Variants in COG5 observed in about 807,000 individuals in gnomAD.
COG5 encodes the protein component of oligomeric golgi complex 5.
A neutral mutation model predicts 110.4 loss-of-function variants in COG5; 86 were observed. The observed-to-expected ratio is 0.78, with a 90% CI of 0.65 to 0.93. The LOEUF (loss-of-function observed/expected upper bound fraction) is 0.93, where lower values mean the gene tolerates loss of function less well. Among genes scored for constraint, COG5 ranks in the 40% least tolerant of loss-of-function variants. COG5 has a pLI of 0.00. For synonymous variants in COG5, 360 were observed against 334.6 expected, an observed-to-expected ratio of 1.08 and a Z score of -0.83; for missense variants, 1,077 against 987.0, an observed-to-expected ratio of 1.09 and a Z score of -1.22.
chr7:107,236,314 ACT>A, intron 18 of COG5, 134 bp downstream of exon 18: 1 of 675,936 alleles, frequency 1.5e-6, no homozygotes, highest in Non-Finnish European at 2.6e-6. Context: ...TTTTTTTTTA[ACT>A]ATTTATGCTT....
chr7:107,506,926 C>T (rs1346311530), intron 6 of COG5, among the ~76,000 whole-genome samples: 2 of 152,234 alleles, frequency 1.3e-5, no homozygotes, highest in Non-Finnish European at 2.9e-5. Flanking sequence ...AGCTGGCGGA[C>T]TTCCATGAGA....
chr7:107,543,607 T>C (rs1466292232), intron 5 of COG5, among the ~76,000 whole-genome samples: 3 of 152,056 alleles, frequency 2.0e-5, no homozygotes, highest in Non-Finnish European at 4.4e-5. Flanking sequence ...CTAGCCCTAG[T>C]GCCAGGTTAG....
chr7:107,459,663 G>A (rs1361908482), intron 6 of COG5, among the ~76,000 whole-genome samples: 1 of 151,858 alleles, frequency 6.6e-6, no homozygotes, highest in Non-Finnish European at 1.5e-5. Context: ...AGGTACTGTG[G>A]TACACACCTG....
chr7:107,347,897 C>T (rs761543301), intron 10 of COG5, among the ~76,000 whole-genome samples: 47 of 151,926 alleles, frequency 3.1e-4, no homozygotes, highest in Non-Finnish European at 8.8e-5. Flanking sequence ...GAGGCTGAGG[C>T]AGGTGGATCA....
chr7:107,353,337 A>G (rs1201514783), intron 10 of COG5, among the ~76,000 whole-genome samples: 1 of 147,708 alleles, frequency 6.8e-6, no homozygotes, highest in Non-Finnish European at 1.5e-5. Flanking sequence ...AGGCAGGAGA[A>G]TGGCGTGAAC....
chr7:107,453,084 C>G (rs1795437772), intron 6 of COG5, among the ~76,000 whole-genome samples: 1 of 152,146 alleles, frequency 6.6e-6, no homozygotes, highest in Non-Finnish European at 1.5e-5. Flanking sequence ...CCCTTAGCAC[C>G]TTATACCGTT....
intron 19 of COG5, among the ~76,000 whole-genome samples, chr7:107,211,808 C>G (rs1428552488): frequency 6.6e-6 from 1 of 152,156 alleles, no homozygotes; most frequent in Non-Finnish European, 1.5e-5. Flanking sequence ...ACAGAAGGAG[C>G]AAGCAGGCAA....
chr7:107,241,550 T>G (rs1011847473), intron 17 of COG5, among the ~76,000 whole-genome samples: 2 of 151,866 alleles, frequency 1.3e-5, no homozygotes, highest in Admixed American at 6.6e-5. Context: ...CCTCCGGGGT[T>G]CACGCCTTCT....
At chr7:107,560,023 A>G (rs898115658) in intron 1 of COG5, among the ~76,000 whole-genome samples, 10 of 152,264 alleles carry the variant, frequency 6.6e-5, no homozygotes, top group Non-Finnish European at 1.2e-4. Context: ...GTTACAGAAC[A>G]ATAATCCTGG....
At chr7:107,413,181 T>C (rs1192338880) in intron 6 of COG5, among the ~76,000 whole-genome samples, 1 of 145,380 alleles carries the variant, frequency 6.9e-6, no homozygotes, top group Non-Finnish European at 1.5e-5. Flanking sequence ...CACATCCAAC[T>C]ATTCTCTTTT....
intron 6 of COG5, 48 bp downstream of exon 6, chr7:107,527,189 T>C: frequency 6.8e-7 from 1 of 1,477,386 alleles, no homozygotes; most frequent in East Asian, 2.5e-5. Flanking sequence ...GACTTAAAAA[T>C]ATTTAAATCT....
At chr7:107,417,947 TTTAAG>T (rs1353773995) in intron 6 of COG5, among the ~76,000 whole-genome samples, 3 of 152,292 alleles carry the variant, frequency 2.0e-5, no homozygotes, top group Non-Finnish European at 4.4e-5. Context: ...TCTATTGATT[TTTAAG>T]TTATTTGTTT....
rs543050745 is a variant in COG5 at position 107,244,484 on chromosome 7, C to A, written c.1853+3912G>T. ...AGATGTAACAGAAATCAGAGCTGAACTGAGGAAAACAGAGACATGAAAACC... is the reference window on the plus strand; with the variant it reads ...AGATGTAACAGAAATCAGAGCTGAAATGAGGAAAACAGAGACATGAAAACC... On this transcript the variant is annotated intron_variant, in intron 17 of 21. Coordinates refer to ENST00000297135, the MANE Select transcript of COG5 (RefSeq NM_006348.5). Among the ~76,000 whole-genome samples the A allele has an allele frequency of 4.6e-5, 7 of 152,076 alleles. No homozygotes were observed. In the South Asian group the frequency reaches 1.5e-3, roughly 32 times the overall value.
At chr7:107,540,191 A>G (rs1342325897) in intron 5 of COG5, among the ~76,000 whole-genome samples, 1 of 152,192 alleles carries the variant, frequency 6.6e-6, no homozygotes, top group Non-Finnish European at 1.5e-5. Context: ...GAAACACTGA[A>G]ACAACAGTAG....
At chr7:107,509,978 G>A (rs1172648282) in intron 6 of COG5, among the ~76,000 whole-genome samples, 5 of 152,292 alleles carry the variant, frequency 3.3e-5, no homozygotes, top group Non-Finnish European at 5.9e-5. Context: ...AGGCTAGGAA[G>A]AAACTGCATC....
chr7:107,210,082 A>G, intron 21 of COG5: 1 of 1,040,126 alleles, frequency 9.6e-7, no homozygotes, highest in Non-Finnish European at 1.2e-6. Flanking sequence ...ATGGTATCCA[A>G]GTGGCTGCTG....
At chr7:107,352,259 G>T (rs1469919498) in intron 10 of COG5, among the ~76,000 whole-genome samples, 3 of 137,920 alleles carry the variant, frequency 2.2e-5, no homozygotes, top group Non-Finnish European at 4.6e-5. Flanking sequence ...AAGTGAACAA[G>T]GAGAACACAT....
chr7:107,263,979 T>C (rs2116666866), intron 14 of COG5, among the ~76,000 whole-genome samples: 1 of 152,224 alleles, frequency 6.6e-6, no homozygotes, highest in South Asian at 2.1e-4. Context: ...ATTAAGAAAA[T>C]CTAAGAATTA....
chr7:107,506,054 GT>G, intron 6 of COG5, among the ~76,000 whole-genome samples: 1 of 152,306 alleles, frequency 6.6e-6, no homozygotes, highest in East Asian at 1.9e-4. Context: ...TGAAATGATG[GT>G]TGTAGTAGTA....
Sources: allele counts gnomAD v4.1 joint callset (sites outside exome capture counted in the v4.1 genomes callset), GRCh38; gene constraint gnomAD v4.1.1; transcripts MANE v1.5; gene names NCBI Gene and HGNC (gene_info 2026-07-23, HGNC 2026-07-21).